VWC2L: variants seen among roughly 807,000 people sequenced by gnomAD.
The protein encoded by VWC2L is von Willebrand factor C domain containing 2 like.
Under a neutral mutation model 21.6 loss-of-function variants are expected in VWC2L, and 10 were observed. That is an observed-to-expected ratio of 0.46 (90% confidence interval 0.29 to 0.78). The LOEUF (loss-of-function observed/expected upper bound fraction) is 0.78. Among genes scored for constraint, VWC2L ranks in the 30% least tolerant of loss-of-function variants. The probability of loss-of-function intolerance (pLI) is 0.10; values close to 1 mark genes in which losing one functional copy is unlikely to be tolerated. For missense variants in VWC2L, 209 were observed against 277.1 expected, an observed-to-expected ratio of 0.75 and a Z score of 1.74; for synonymous variants, 96 against 94.3, an observed-to-expected ratio of 1.02 and a Z score of -0.10.
chr2:214,510,777 A>G (rs192830213), intron 3 of VWC2L, among the ~76,000 whole-genome samples: 1 of 152,330 alleles, frequency 6.6e-6, no homozygotes, highest in East Asian at 1.9e-4. Context: ...AAATAAATGA[A>G]TGAATCCTAG....
chr2:214,490,961 A>C (rs897325992), intron 3 of VWC2L, among the ~76,000 whole-genome samples: 2 of 152,186 alleles, frequency 1.3e-5, no homozygotes, highest in African/African-American at 2.4e-5. Context: ...GTATGATTCC[A>C]TTTCTATGAC....
intron 3 of VWC2L, among the ~76,000 whole-genome samples, chr2:214,479,379 C>A (rs1317192895): frequency 6.6e-6 from 1 of 152,012 alleles, no homozygotes; most frequent in Non-Finnish European, 1.5e-5. Context: ...TATTTGTGCC[C>A]TGTTGTTGGA....
chr2:214,423,554 T>C (rs1443993416), intron 2 of VWC2L, among the ~76,000 whole-genome samples: 1 of 152,138 alleles, frequency 6.6e-6, no homozygotes, highest in Non-Finnish European at 1.5e-5. Context: ...TCTCAGCCAA[T>C]TGTCTATAGA....
chr2:214,433,789 GACA>G (rs965125617), intron 2 of VWC2L, among the ~76,000 whole-genome samples: 18 of 152,142 alleles, frequency 1.2e-4, no homozygotes, highest in African/African-American at 4.3e-4. Context: ...TGAGCAAGAG[GACA>G]ACAATAGTGC....
chr2:214,546,641 C>A (rs562347195), intron 3 of VWC2L, among the ~76,000 whole-genome samples: 1 of 152,072 alleles, frequency 6.6e-6, no homozygotes, highest in East Asian at 1.9e-4. Flanking sequence ...ACCGAGAAAC[C>A]TTGTCATATG....
At chr2:214,454,925 A>G (rs1405710347) in intron 3 of VWC2L, among the ~76,000 whole-genome samples, 1 of 152,078 alleles carries the variant, frequency 6.6e-6, no homozygotes. Context: ...CATTCCTGAG[A>G]TAAACTGCAC....
At position 214,414,172 on chromosome 2, in the gene VWC2L, C is replaced by T. The variant is rs1702318473; in HGVS notation, c.-22C>T. 6.3e-7 allele frequency: 1 copy of T among 1,599,456 alleles called. No individual in the cohort carries two copies. Among genetic ancestry groups the T allele is most frequent in the African/African-American group, 1.4e-5 (1 of 73,758 alleles). ...AGTATATTTAATATTAGGAGCACAT[C>T]CAGAAGTCTTTGAAGAGGGGGATGG... On this transcript the variant is annotated 5_prime_UTR_variant, in exon 2 of 4. Transcript: ENST00000312504.
chr2:214,436,151 T>A (rs1702675639), intron 2 of VWC2L: 1 of 153,144 alleles, frequency 6.5e-6, no homozygotes, highest in Non-Finnish European at 1.5e-5. Flanking sequence ...CTAAGTTGGC[T>A]TGAAAAAGAG....
chr2:214,452,309 C>T (rs977467024), intron 3 of VWC2L, among the ~76,000 whole-genome samples: 1 of 152,140 alleles, frequency 6.6e-6, no homozygotes, highest in Non-Finnish European at 1.5e-5. Flanking sequence ...TGCACACCAC[C>T]ACGCTTGGCT....
At chr2:214,532,931 G>GACCCTGTGCTAGAGAGAGGA (rs1689462919) in intron 3 of VWC2L, among the ~76,000 whole-genome samples, 1 of 151,714 alleles carries the variant, frequency 6.6e-6, no homozygotes, top group Non-Finnish European at 1.5e-5. Context: ...TAGAGAGAGG[G>GACCCTGTGCTAGAGAGAGGA]GACCCTGACA....
chr2:214,518,030 G>A (rs896905743), intron 3 of VWC2L, among the ~76,000 whole-genome samples: 4 of 152,290 alleles, frequency 2.6e-5, no homozygotes, highest in South Asian at 4.1e-4. Context: ...GCCAGGCGTA[G>A]TGGCAGGCAC....
intron 3 of VWC2L, among the ~76,000 whole-genome samples, chr2:214,510,963 A>G (rs1689042072): frequency 6.6e-6 from 1 of 152,198 alleles, no homozygotes; most frequent in Non-Finnish European, 1.5e-5. Context: ...TGTATCCACC[A>G]ACATAACACT....
intron 3 of VWC2L, among the ~76,000 whole-genome samples, chr2:214,528,947 C>T (rs926984039): frequency 3.3e-5 from 5 of 152,128 alleles, no homozygotes; most frequent in Non-Finnish European, 7.3e-5. Context: ...TATGAAGTTG[C>T]CATTATGCAA....
intron 3 of VWC2L, among the ~76,000 whole-genome samples, chr2:214,446,481 G>T (rs139980034): frequency 2.7e-4 from 41 of 152,044 alleles, no homozygotes; most frequent in Non-Finnish European, 5.1e-4. Context: ...CAGCAAATTA[G>T]ATTTTAGAAG....
intron 3 of VWC2L, among the ~76,000 whole-genome samples, chr2:214,437,986 C>A (rs1261427608): frequency 1.3e-5 from 2 of 152,006 alleles, no homozygotes; most frequent in East Asian, 3.9e-4. Context: ...TATCTCCTTT[C>A]TCCAATCTAC....
chr2:214,521,741 G>A lies in VWC2L; in HGVS notation c.521-53931G>A, dbSNP rs149532046. ...CTGGAGTAACTCTTCCTTGCTCTAC[G>A]AAACCATACCACATGGGTAACTGCC... On this transcript the variant is annotated intron_variant, in intron 3 of 3. Coordinates refer to ENST00000312504, the MANE Select transcript of VWC2L (RefSeq NM_001080500.4). Among the ~76,000 whole-genome samples the A allele has an allele frequency of 1.6e-3, 251 of 152,304 alleles. 1 individual carries two copies. Among genetic ancestry groups the A allele is most frequent in the African/African-American group, 5.7e-3 (239 of 41,574 alleles).
chr2:214,453,210 C>A (rs1162632791), intron 3 of VWC2L, among the ~76,000 whole-genome samples: 1 of 152,138 alleles, frequency 6.6e-6, no homozygotes, highest in Admixed American at 6.5e-5. Context: ...TTCAGGTTTT[C>A]ATTTATGTCC....
chr2:214,492,724 T>A (rs1321339508), intron 3 of VWC2L, among the ~76,000 whole-genome samples: 1 of 152,228 alleles, frequency 6.6e-6, no homozygotes, highest in African/African-American at 2.4e-5. Context: ...AACAATCATT[T>A]TTTTTCTTAA....
intron 3 of VWC2L, among the ~76,000 whole-genome samples, chr2:214,474,894 C>T (rs1688488814): frequency 6.6e-6 from 1 of 152,146 alleles, no homozygotes; most frequent in African/African-American, 2.4e-5. Context: ...CCCAGCTTCC[C>T]AGTCTGCTCA....
Sources: allele counts gnomAD v4.1 joint callset (sites outside exome capture counted in the v4.1 genomes callset), GRCh38; gene constraint gnomAD v4.1.1; transcripts MANE v1.5; gene names NCBI Gene and HGNC (gene_info 2026-07-23, HGNC 2026-07-21).